PRTG: variants seen among roughly 807,000 people sequenced by gnomAD.
PRTG encodes the protein protogenin, also known as immunoglobulin superfamily, DCC subclass, member 5.
A neutral mutation model predicts 122.5 loss-of-function variants in PRTG; 67 were observed. The observed-to-expected ratio is 0.55, with a 90% CI of 0.45 to 0.67. The LOEUF is 0.67. Among genes scored for constraint, PRTG ranks in the 30% least tolerant of loss-of-function variants. The pLI, the probability that PRTG is intolerant of heterozygous loss-of-function variation, is 0.00. For missense variants in PRTG, 1,435 were observed against 1,415.4 expected (o/e 1.01, Z -0.22); for synonymous variants, 554 against 501.1 (o/e 1.11, Z -1.41).
chr15:55,714,352 G>A (rs1291736128), intron 2 of PRTG, among the ~76,000 whole-genome samples: 5 of 151,726 alleles, frequency 3.3e-5, no homozygotes, highest in Non-Finnish European at 5.9e-5. Flanking sequence ...TCAGTCTCCC[G>A]GGTAGCTGGG....
At chr15:55,668,902 T>C (rs2059452724) in intron 11 of PRTG, among the ~76,000 whole-genome samples, 1 of 152,238 alleles carries the variant, frequency 6.6e-6, no homozygotes, top group South Asian at 2.1e-4. Context: ...TTAAATTTAG[T>C]TCATTAGAAA....
At position 55,743,076 on chromosome 15, in the gene PRTG, T is replaced by A; in HGVS notation, c.-145A>T. 7.7e-7 allele frequency: 1 copy of A among 1,290,340 alleles called. No homozygotes were observed. Among genetic ancestry groups the A allele is most frequent in the Non-Finnish European group, 9.8e-7 (1 of 1,023,750 alleles). The allele number at this position is 1,290,340 out of a possible 1,614,324, so 79.9% of individuals were successfully genotyped here. A position where few individuals can be genotyped will look rare whatever the true frequency, so the allele number is the denominator to read the frequency against. ...CTCCGGCACCGGCGTGGCGAGCGTC[T>A]CTGCGGCGGCGAGGCTGGTGCTCGG... On this transcript the variant is annotated 5_prime_UTR_variant, in exon 1 of 20. Transcript: ENST00000389286.
At chr15:55,667,063 A>G (rs75716663) in intron 11 of PRTG, among the ~76,000 whole-genome samples, 5 of 152,314 alleles carry the variant, frequency 3.3e-5, no homozygotes, top group East Asian at 3.9e-4. Context: ...TAGAGTCACA[A>G]GAGGTTTCCC....
At chr15:55,679,228 A>G (rs2059522641) in intron 7 of PRTG, 58 bp downstream of exon 7, 4 of 1,157,266 alleles carry the variant, frequency 3.5e-6, no homozygotes, top group Non-Finnish European at 5.0e-6. Flanking sequence ...CATTTCACAT[A>G]AAAATTACTA....
rs559300550 is a variant in PRTG, at chr15:55,627,349, G to A, written c.2807-221C>T. ...AAGTTTTTTTTTTTTTTTTTGAGAC[G>A]GAGTCTCGCTCTGTTGCCCAGGCTA... On this transcript the variant is annotated intron_variant, in intron 16 of 19. Coordinates refer to ENST00000389286, the MANE Select transcript of PRTG (RefSeq NM_173814.6). Among the ~76,000 whole-genome samples the A allele has an allele frequency of 2.3e-4, 32 of 139,536 alleles. No individual in the cohort carries two copies. The South Asian group carries it at 5.9e-3, about 26-fold the overall frequency. 91.5% of individuals were successfully genotyped at this position (139,536 alleles called of 152,430 possible).
intron 2 of PRTG, among the ~76,000 whole-genome samples, chr15:55,695,025 AAAC>A (rs1390676943): frequency 6.6e-6 from 1 of 152,238 alleles, no homozygotes; most frequent in African/African-American, 2.4e-5. Context: ...CTGTCCTCAA[AAAC>A]AACCTTGCAA....
intron 2 of PRTG, among the ~76,000 whole-genome samples, chr15:55,721,251 C>T (rs1333991664): frequency 6.6e-6 from 1 of 152,204 alleles, no homozygotes; most frequent in Non-Finnish European, 1.5e-5. Context: ...TGTGCTGTCC[C>T]AGCCTCCACT....
At chr15:55,726,508 T>C (rs2031035754) in intron 2 of PRTG, among the ~76,000 whole-genome samples, 1 of 151,978 alleles carries the variant, frequency 6.6e-6, no homozygotes, top group Non-Finnish European at 1.5e-5. Flanking sequence ...AAGTAAAAAC[T>C]GTCATGAGAG....
At chr15:55,640,420 A>C (rs1048567725) in intron 12 of PRTG, among the ~76,000 whole-genome samples, 2 of 152,188 alleles carry the variant, frequency 1.3e-5, no homozygotes, top group Non-Finnish European at 2.9e-5. Flanking sequence ...GCGTGACTAT[A>C]TTACTGATAA....
intron 2 of PRTG, among the ~76,000 whole-genome samples, chr15:55,723,298 T>A (rs1413729575): frequency 6.7e-6 from 1 of 150,106 alleles, no homozygotes; most frequent in Non-Finnish European, 1.5e-5. Flanking sequence ...GATAATAGTA[T>A]AATTAATGGA....
At chr15:55,726,905 G>A (rs1382157892) in intron 2 of PRTG, among the ~76,000 whole-genome samples, 39 of 149,806 alleles carry the variant, frequency 2.6e-4, no homozygotes, top group Admixed American at 2.1e-3. Flanking sequence ...CCGAGATCAC[G>A]CCACTGCATT....
chr15:55,632,796 T>G (rs2059235201), intron 15 of PRTG, among the ~76,000 whole-genome samples: 1 of 152,220 alleles, frequency 6.6e-6, no homozygotes, highest in African/African-American at 2.4e-5. Context: ...ATGTATATAT[T>G]TGTTGGTTTG....
At chr15:55,727,366 T>C (rs1385570182) in intron 2 of PRTG, among the ~76,000 whole-genome samples, 1 of 151,636 alleles carries the variant, frequency 6.6e-6, no homozygotes, top group African/African-American at 2.4e-5. Context: ...GATAAGAAAA[T>C]ACTATGAACT....
At chr15:55,684,017 C>G in intron 2 of PRTG, 86 bp from the exon 3 acceptor site, 1 of 1,136,200 alleles carries the variant, frequency 8.8e-7, no homozygotes, top group Non-Finnish European at 1.2e-6. Flanking sequence ...ACTTATTGGA[C>G]TTGAACCCTT....
intron 1 of PRTG, chr15:55,742,567 C>A (rs2031645296): frequency 2.3e-6 from 1 of 442,206 alleles, no homozygotes; most frequent in Admixed American, 4.5e-5. Context: ...GCCGCCAGAA[C>A]TCCGCAGCCA....
chr15:55,718,536 C>T (rs1453349675), intron 2 of PRTG, among the ~76,000 whole-genome samples: 3 of 151,828 alleles, frequency 2.0e-5, no homozygotes, highest in Admixed American at 6.6e-5. Flanking sequence ...TATAAAACGG[C>T]CCCACCCCTA....
At chr15:55,732,493 CTT>C (rs35478271) in intron 2 of PRTG, among the ~76,000 whole-genome samples, 6 of 130,298 alleles carry the variant, frequency 4.6e-5, no homozygotes, top group Non-Finnish European at 6.3e-5. Flanking sequence ...CCAGGGTAAA[CTT>C]TTTTTTTTTT....
chr15:55,740,551 T>C lies in PRTG; in HGVS notation c.228A>G (p.Gly76=). ...VPIKVTWLKN[G]AKMSENKRIE... is the part of the protein sequence containing the mutation. ...TCCGTTTATTTTCAGACATTTTTGC[T>C]CCATTTTTCAACCATGTGACCTTAA... Residue 76 remains glycine, a synonymous_variant, in exon 2 of 20, where the codon GGA becomes GGG. Coordinates refer to ENST00000389286, the MANE Select transcript of PRTG (RefSeq NM_173814.6). The C allele has an allele frequency of 6.8e-6, 11 of 1,614,178 alleles. No individual in the cohort carries two copies. Among genetic ancestry groups the C allele is most frequent in the Non-Finnish European group, 9.3e-6 (11 of 1,180,026 alleles).
At chr15:55,732,025 C>T (rs2031250992) in intron 2 of PRTG, among the ~76,000 whole-genome samples, 1 of 152,126 alleles carries the variant, frequency 6.6e-6, no homozygotes, top group Non-Finnish European at 1.5e-5. Flanking sequence ...CTGAAAAGGG[C>T]AGCAACTGTA....
Sources: gnomAD v4.1 joint callset for allele counts (sites outside exome capture counted in the v4.1 genomes callset) on GRCh38, gnomAD v4.1.1 for gene constraint, MANE v1.5 for transcripts, NCBI Gene and HGNC (gene_info 2026-07-23, HGNC 2026-07-21) for gene names.